Variants in SRGAP1 observed in about 807,000 individuals in gnomAD.
SRGAP1 encodes SLIT-ROBO Rho GTPase-activating protein 1.
SRGAP1 carries 43 observed loss-of-function variants against 121.9 expected under a neutral mutation model. The ratio of observed to expected loss-of-function variants is 0.35; its 90% CI spans 0.28 to 0.46. SRGAP1 has a LOEUF of 0.46. Among genes scored for constraint, SRGAP1 ranks in the 20% least tolerant of loss-of-function variants. SRGAP1 has a pLI of 1.00. For missense variants in SRGAP1, 1,102 were observed against 1,350.9 expected (o/e 0.82, Z 2.89); for synonymous variants, 447 against 485.4 (o/e 0.92, Z 1.04).
chr12:64,109,833 G>T (rs1237419355), intron 16 of SRGAP1, among the ~76,000 whole-genome samples: 2 of 152,076 alleles, frequency 1.3e-5, no homozygotes, highest in East Asian at 3.9e-4. Flanking sequence ...TATTTCATGG[G>T]ACATTTGGAG....
chr12:64,035,010 A>G (rs1464092879), intron 4 of SRGAP1, among the ~76,000 whole-genome samples: 2 of 151,662 alleles, frequency 1.3e-5, no homozygotes, highest in Non-Finnish European at 2.9e-5. Context: ...GACCTCAGGG[A>G]TCAGCAACTC....
chr12:64,042,819 A>T lies in SRGAP1; in HGVS notation c.519A>T (p.Ala173=), dbSNP rs985296803. ...TVMKTYHMYH[A]ESISAESKLK... is the part of the protein sequence containing the mutation. The stretch of plus-strand genomic sequence containing the variant: ...TGAAAACATACCATATGTATCATGC[A>T]GAGAGCATCAGTGCAGAGAGCAAGC... Residue 173 remains alanine (A), a synonymous_variant, in exon 5 of 22, where the codon GCA becomes GCT. Coordinates refer to ENST00000355086, the MANE Select transcript of SRGAP1 (RefSeq NM_020762.4). 6.2e-7 allele frequency: 1 copy of T among 1,613,732 alleles called. No individual in the cohort carries two copies. The highest frequency in any genetic ancestry group is 1.3e-5 in the African/African-American group (1 of 74,940).
At chr12:64,097,613 T>G in intron 15 of SRGAP1, 3 of 364,456 alleles carry the variant, frequency 8.2e-6, no homozygotes, top group Non-Finnish European at 1.5e-5. Context: ...AGCCAGGAGC[T>G]TCCCACTCAT....
intron 1 of SRGAP1, among the ~76,000 whole-genome samples, chr12:63,902,875 T>C (rs2030002652): frequency 6.6e-6 from 1 of 152,226 alleles, no homozygotes; most frequent in South Asian, 2.1e-4. Flanking sequence ...TGTCTGTACT[T>C]TTCATTTGGT....
At chr12:64,000,289 C>G (rs1045628725) in intron 3 of SRGAP1, among the ~76,000 whole-genome samples, 15 of 130,744 alleles carry the variant, frequency 1.1e-4, no homozygotes, top group African/African-American at 4.5e-4. Flanking sequence ...AAAAAAAAAC[C>G]AGGATGTTAG....
At chr12:64,001,742 G>A (rs2033906542) in intron 3 of SRGAP1, among the ~76,000 whole-genome samples, 1 of 152,200 alleles carries the variant, frequency 6.6e-6, no homozygotes, top group Non-Finnish European at 1.5e-5. Flanking sequence ...CTGGCCCACA[G>A]AAAACTGAGC....
chr12:64,049,235 C>G (rs1009451369), intron 6 of SRGAP1, among the ~76,000 whole-genome samples: 2 of 152,112 alleles, frequency 1.3e-5, no homozygotes, highest in African/African-American at 4.8e-5. Flanking sequence ...ATCCAACTTT[C>G]CCAGAACATT....
chr12:63,901,579 T>C (rs1565942828), intron 1 of SRGAP1, among the ~76,000 whole-genome samples: 2 of 152,228 alleles, frequency 1.3e-5, no homozygotes, highest in East Asian at 3.8e-4. Flanking sequence ...CTATCCATCA[T>C]TGACGTCACA....
chr12:63,899,365 C>A, intron 1 of SRGAP1, among the ~76,000 whole-genome samples: 1 of 151,466 alleles, frequency 6.6e-6, no homozygotes, highest in Non-Finnish European at 1.5e-5. Flanking sequence ...AGGTTTGCTA[C>A]ATAATAGGAA....
intron 17 of SRGAP1, 58 bp downstream of exon 17, chr12:64,112,044 C>A: frequency 7.3e-7 from 1 of 1,364,284 alleles, no homozygotes; most frequent in Non-Finnish European, 1.0e-6. Context: ...ATATAGCTAT[C>A]AATTTGATTA....
chr12:64,138,103 A>G (rs2036888368), intron 21 of SRGAP1, among the ~76,000 whole-genome samples: 1 of 152,058 alleles, frequency 6.6e-6, no homozygotes, highest in African/African-American at 2.4e-5. Context: ...AACTCTGTAC[A>G]CATTAAACAG....
At chr12:64,096,028 C>T (rs987606137) in intron 14 of SRGAP1, among the ~76,000 whole-genome samples, 1 of 152,202 alleles carries the variant, frequency 6.6e-6, no homozygotes, top group African/African-American at 2.4e-5. Context: ...GATTTCCTCA[C>T]CTGCAAAACT....
chr12:63,968,466 T>A (rs2032845913), intron 1 of SRGAP1, among the ~76,000 whole-genome samples: 1 of 152,168 alleles, frequency 6.6e-6, no homozygotes, highest in African/African-American at 2.4e-5. Flanking sequence ...GGTGGCTAGA[T>A]GAAGCATGTG....
rs2037129921 is a variant in SRGAP1 at position 64,152,570 on chromosome 12, T to C, written c.*9898T>C. The C allele has an allele frequency of 6.6e-6, 1 of 152,286 alleles. No individual in the cohort carries two copies. Among genetic ancestry groups the C allele is most frequent in the Admixed American group, 6.5e-5 (1 of 15,282 alleles). The allele number at this position is 152,286 out of a possible 1,614,324, so 9.4% of individuals were successfully genotyped here. A position where few individuals can be genotyped will look rare whatever the true frequency, so the allele number is the denominator to read the frequency against. On this transcript the variant is annotated 3_prime_UTR_variant, in exon 22 of 22. Coordinates refer to ENST00000355086, the MANE Select transcript of SRGAP1 (RefSeq NM_020762.4). ...CCTCAGCCTGCCATTTCAGCCTTCC[T>C]GCTCACCACCTCCTCTTCGGAACCT...
In SRGAP1 at chr12:64,156,783, G is replaced by GGCT. The variant is rs2037167346; in HGVS notation, c.*14120_*14122dup. The GGCT allele has an allele frequency of 6.6e-6, 1 of 152,156 alleles. No homozygotes were observed. Among genetic ancestry groups the GGCT allele is most frequent in the African/African-American group, 2.4e-5 (1 of 41,416 alleles). 9.4% of individuals were successfully genotyped at this position (152,156 alleles called of 1,614,324 possible). ...ATTTGCCATGTTTTCTATGGCTTTG[G>GGCT]GCTGCTGCTGCATCACTGCAGTTTA... On this transcript the variant is annotated 3_prime_UTR_variant, in exon 22 of 22. Coordinates refer to ENST00000355086, the MANE Select transcript of SRGAP1 (RefSeq NM_020762.4).
At chr12:64,063,190 C>G in intron 7 of SRGAP1, 52 bp downstream of exon 7, 1 of 1,454,390 alleles carries the variant, frequency 6.9e-7, no homozygotes, top group South Asian at 1.2e-5. Flanking sequence ...ACTTATATTT[C>G]TCCTCACTTG....
At chr12:63,951,098 T>A (rs919580721) in intron 1 of SRGAP1, among the ~76,000 whole-genome samples, 5 of 148,920 alleles carry the variant, frequency 3.4e-5, no homozygotes, top group African/African-American at 1.2e-4. Context: ...ACCTGACACA[T>A]AGTAAGTACT....
intron 18 of SRGAP1, among the ~76,000 whole-genome samples, chr12:64,124,418 A>G (rs905756512): frequency 3.3e-5 from 5 of 152,258 alleles, no homozygotes; most frequent in Non-Finnish European, 7.3e-5. Flanking sequence ...GTGTACACGT[A>G]TTCTAGAGTA....
chr12:64,100,174 A>C (rs2036231078), intron 15 of SRGAP1, among the ~76,000 whole-genome samples: 1 of 152,158 alleles, frequency 6.6e-6, no homozygotes, highest in East Asian at 1.9e-4. Context: ...CTGACTATAA[A>C]CTGTGGTCAC....
Sources: gnomAD v4.1 joint callset for allele counts (sites outside exome capture counted in the v4.1 genomes callset) on GRCh38, gnomAD v4.1.1 for gene constraint, MANE v1.5 for transcripts, NCBI Gene and HGNC (gene_info 2026-07-23, HGNC 2026-07-21) for gene names.